The following CLVS1 variants were observed in gnomAD, a reference collection of about 807,000 sequenced individuals.
The protein encoded by CLVS1 is clavesin-1.
Under a neutral mutation model 33.1 loss-of-function variants are expected in CLVS1, and 10 were observed. The observed-to-expected ratio is 0.30, with a 90% CI of 0.19 to 0.51. The LOEUF is 0.51. Among genes scored for constraint, CLVS1 ranks in the 20% least tolerant of loss-of-function variants. CLVS1 has a pLI of 0.97. For synonymous variants in CLVS1, 163 were observed against 166.1 expected (o/e 0.98, Z 0.14); for missense variants, 343 against 433.4 (o/e 0.79, Z 1.85).
At chr8:61,150,149 A>G (rs1806500209) in intron 2 of CLVS1, among the ~76,000 whole-genome samples, 1 of 113,226 alleles carries the variant, frequency 8.8e-6, no homozygotes, top group South Asian at 2.6e-4. Context: ...AAGGGGATGG[A>G]CTCGACCTGG....
intron 2 of CLVS1, among the ~76,000 whole-genome samples, chr8:61,228,525 T>C (rs1488410208): frequency 1.3e-5 from 2 of 152,242 alleles, no homozygotes. Flanking sequence ...AAGCAGCCTA[T>C]AGCTGGGTTA....
intron 2 of CLVS1, among the ~76,000 whole-genome samples, chr8:61,233,680 A>G (rs1599915): frequency 0.32 from 48,188 of 152,092 alleles, 8,570 homozygotes; most frequent in Admixed American, 0.38. Flanking sequence ...CTGGCCTCTC[A>G]CTGCCAGGTC....
the CLVS1 span, among the ~76,000 whole-genome samples, chr8:60,984,121 G>C: frequency 6.6e-5 from 10 of 152,086 alleles, no homozygotes; most frequent in Non-Finnish European, 1.2e-4. Context: ...CAATGGGAAA[G>C]GGTGGTGAGG....
At chr8:61,423,524 A>G (rs1187887289) in intron 3 of CLVS1, among the ~76,000 whole-genome samples, 3 of 152,218 alleles carry the variant, frequency 2.0e-5, no homozygotes, top group Admixed American at 1.3e-4. Flanking sequence ...AATACCTTTC[A>G]AAGTGAAACC....
rs1280113431 is a variant in CLVS1, at chr8:61,202,808, A to G, written c.-152+70948A>G. 7.6e-6 allele frequency: 10 copies of G among 1,309,210 alleles called. 1 individual carries two copies. In the South Asian group the frequency reaches 1.2e-4, roughly 15 times the overall value. The allele number at this position is 1,309,210 out of a possible 1,614,324, so 81.1% of individuals were successfully genotyped here. The stretch of plus-strand genomic sequence containing the variant: ...CTCGGAGGTAGTAGCAAGCTTCCAC[A>G]GAAAAAAGTAAAACTTGCTGCTGAT... On this transcript the variant is annotated intron_variant, in intron 2 of 2. Coordinates refer to the CLVS1 transcript ENST00000522621.
At chr8:61,496,001 T>A (rs1284777811) in intron 5 of CLVS1, among the ~76,000 whole-genome samples, 1 of 152,122 alleles carries the variant, frequency 6.6e-6, no homozygotes, top group Non-Finnish European at 1.5e-5. Context: ...AATCAGAAAT[T>A]GTACATAGAA....
intron 5 of CLVS1, among the ~76,000 whole-genome samples, chr8:61,493,564 A>G (rs1804170572): frequency 6.6e-6 from 1 of 152,314 alleles, no homozygotes; most frequent in African/African-American, 2.4e-5. Context: ...CAAGTGATGG[A>G]CCCATCATTC....
intron 2 of CLVS1, among the ~76,000 whole-genome samples, chr8:61,310,754 G>C (rs1810803116): frequency 6.6e-6 from 1 of 152,196 alleles, no homozygotes. Flanking sequence ...CCCAGCAAAG[G>C]ACACTGGATA....
chr8:61,460,631 G>T (rs1004241886), intron 5 of CLVS1, among the ~76,000 whole-genome samples: 1 of 152,194 alleles, frequency 6.6e-6, no homozygotes, highest in African/African-American at 2.4e-5. Context: ...CTCTGGGAAA[G>T]ATTTCCCAGG....
At chr8:61,451,844 GAGAA>G (rs1484707261) in intron 3 of CLVS1, among the ~76,000 whole-genome samples, 31 of 151,442 alleles carry the variant, frequency 2.0e-4, no homozygotes, top group African/African-American at 6.1e-4. Context: ...GAGAGAGAGA[GAGAA>G]CAGAGAGTAG....
At chr8:61,057,095 C>G (rs1270240604), upstream of CLVS1, 1 of 152,160 alleles carries the variant, frequency 6.6e-6, no homozygotes, top group Non-Finnish European at 1.5e-5. Context: ...GGCACAATTA[C>G]CCCCACATGA....
intron 5 of CLVS1, among the ~76,000 whole-genome samples, chr8:61,468,794 A>G (rs1817643668): frequency 6.6e-6 from 1 of 151,886 alleles, no homozygotes; most frequent in Non-Finnish European, 1.5e-5. Flanking sequence ...TACCAAATAA[A>G]CATTCATGTC....
At chr8:61,059,985 C>T (rs1038640122) in intron 1 of CLVS1, among the ~76,000 whole-genome samples, 4 of 152,076 alleles carry the variant, frequency 2.6e-5, no homozygotes, top group Non-Finnish European at 4.4e-5. Flanking sequence ...CTCTTTCATG[C>T]CCTCAAGTGA....
rs570693459 is a variant in CLVS1, at chr8:61,393,274, T to C, written c.630+16495T>C. Among the ~76,000 whole-genome samples, 6 of 152,310 alleles carry C rather than the reference T, an allele frequency of 3.9e-5. No homozygotes were observed. The South Asian group carries it at 1.2e-3, about 32-fold the overall frequency. On this transcript the variant is annotated intron_variant, in intron 3 of 5. Coordinates refer to ENST00000325897, the MANE Select transcript of CLVS1 (RefSeq NM_173519.3). ...TTGTGATTGTCTTTTCTTTATTATA[T>C]ATATTTCTTCGAAGATTTTTTCATT... is the stretch of plus-strand genomic sequence containing the variant.
intron 1 of CLVS1, among the ~76,000 whole-genome samples, chr8:61,120,726 C>T (rs1256931269): frequency 1.4e-5 from 2 of 142,650 alleles, no homozygotes; most frequent in Non-Finnish European, 1.5e-5. Flanking sequence ...GGCAGTCTGC[C>T]CGTTCTCAGA....
chr8:61,069,584 T>A (rs1344101498), intron 1 of CLVS1, among the ~76,000 whole-genome samples: 1 of 152,166 alleles, frequency 6.6e-6, no homozygotes, highest in Non-Finnish European at 1.5e-5. Context: ...TTCCTCTGCA[T>A]CTCATGCACC....
At chr8:61,255,023 T>C (rs1809046486) in intron 2 of CLVS1, among the ~76,000 whole-genome samples, 2 of 152,246 alleles carry the variant, frequency 1.3e-5, no homozygotes, top group Non-Finnish European at 2.9e-5. Context: ...AGACTGGAGC[T>C]GTTCCTATTC....
chr8:61,107,773 C>T (rs1014396670), intron 1 of CLVS1, among the ~76,000 whole-genome samples: 4 of 152,214 alleles, frequency 2.6e-5, no homozygotes, highest in Non-Finnish European at 4.4e-5. Context: ...GTCACCTGAG[C>T]TGCTTTAAAA....
chr8:61,018,679 C>T, the CLVS1 span, among the ~76,000 whole-genome samples: 3 of 152,248 alleles, frequency 2.0e-5, no homozygotes, highest in Non-Finnish European at 4.4e-5. Context: ...CTAGTCTCAT[C>T]ATTCCATCTA....
Sources: gnomAD v4.1 joint callset for allele counts (sites outside exome capture counted in the v4.1 genomes callset) on GRCh38, gnomAD v4.1.1 for gene constraint, MANE v1.5 for transcripts, NCBI Gene and HGNC (gene_info 2026-07-23, HGNC 2026-07-21) for gene names.